Variants in HTR5A observed in about 807,000 individuals in gnomAD.
The protein encoded by HTR5A is 5-HT-5.
A neutral mutation model predicts 24.3 loss-of-function variants in HTR5A; 21 were observed. The ratio of observed to expected loss-of-function variants is 0.86; its 90% confidence interval spans 0.61 to 1.24. HTR5A has a LOEUF of 1.24. Among genes scored for constraint, HTR5A ranks in the 50% most tolerant of loss-of-function variants. The probability of loss-of-function intolerance (pLI) is 0.00; values close to 1 mark genes in which losing one functional copy is unlikely to be tolerated. For synonymous variants in HTR5A, 260 were observed against 213.7 expected (o/e 1.22, Z -1.89); for missense variants, 497 against 489.5 (o/e 1.02, Z -0.15).
In HTR5A at chr7:155,070,918, C is replaced by A. The variant is rs1172773892; in HGVS notation, c.19C>A (p.Leu7Ile). The change falls in exon 1 of 2, where the codon CTA becomes ATA. Residue 7 changes from leucine to isoleucine, a missense_variant. Physicochemically the swap from Leu to Ile is conservative, Grantham distance 5 (BLOSUM62 2). Coordinates refer to ENST00000287907, the MANE Select transcript of HTR5A (RefSeq NM_024012.4). Reference sequence around the variant, plus strand: ...CCCAGAGATGGATTTACCTGTGAACCTAACCTCCTTTTCCCTCTCCACCCC... The same window carrying A: ...CCCAGAGATGGATTTACCTGTGAACATAACCTCCTTTTCCCTCTCCACCCC... MDLPVNLTSFSLSTPSP... is the reference protein window; with the variant it reads MDLPVNITSFSLSTPSP... 3.1e-6 allele frequency: 5 copies of A among 1,603,358 alleles called. No individual in the cohort carries two copies. Among genetic ancestry groups the A allele is most frequent in the Middle Eastern group, 1.7e-4 (1 of 6,058 alleles).
Position 155,070,708 on chromosome 7 carries a change from G to C in HTR5A, c.-192G>C. On this transcript the variant is annotated 5_prime_UTR_variant, in exon 1 of 2. Transcript: ENST00000287907. ...CCTCTGAGGGCTTCAGACCTGCCGC[G>C]CTTGCAGCCACACCATCTCCAACGG... 2 of 636,178 alleles carry C rather than the reference G, an allele frequency of 3.1e-6. No homozygotes were observed. Among genetic ancestry groups the C allele is most frequent in the South Asian group, 2.0e-5 (1 of 50,722 alleles). The allele number at this position is 636,178 out of a possible 1,614,324, so 39.4% of individuals were successfully genotyped here.
chr7:155,074,784 T>C (rs1385294481), intron 1 of HTR5A: 2 of 152,000 alleles, frequency 1.3e-5, no homozygotes, highest in Admixed American at 1.3e-4. Flanking sequence ...GATTCCTGTA[T>C]GATCCTTGCA....
In HTR5A at chr7:155,071,196, G is replaced by C. The variant is rs1585118346; in HGVS notation, c.297G>C (p.Val99=). ...VAALVMPLSL[V]HELSGRRWQL... ...CGCTGGTCATGCCGCTGAGCCTGGT[G>C]CACGAGCTGTCCGGGCGCCGCTGGC... The change falls in exon 1 of 2, where the codon GTG becomes GTC. Residue 99 remains valine, a synonymous_variant. Transcript: ENST00000287907. The C allele has an allele frequency of 3.7e-6, 6 of 1,602,818 alleles. No homozygotes were observed. Among genetic ancestry groups the C allele is most frequent in the Non-Finnish European group, 4.2e-6 (5 of 1,179,882 alleles).
At chr7:155,077,234 G>A (rs1172106356) in intron 1 of HTR5A, 1 of 152,080 alleles carries the variant, frequency 6.6e-6, no homozygotes, top group African/African-American at 2.4e-5. Context: ...ACTTATTGCA[G>A]GTATGTCATA....
intron 1 of HTR5A, among the ~76,000 whole-genome samples, chr7:155,078,496 A>G (rs61180386): frequency 0.029 from 4,444 of 152,096 alleles, 195 homozygotes; most frequent in African/African-American, 0.1. Context: ...TATTTTTTAT[A>G]GAAATAGGGT....
intron 1 of HTR5A, among the ~76,000 whole-genome samples, chr7:155,078,433 C>T (rs1204385423): frequency 2.0e-5 from 3 of 152,276 alleles, no homozygotes; most frequent in Admixed American, 1.3e-4. Flanking sequence ...TTTATTCAGC[C>T]TCCCGAGTAG....
rs779461760 is a variant in HTR5A at position 155,071,347 on chromosome 7, A to C, written c.448A>C (p.Thr150Pro). ...YWSITRHMEYTLRTRKCVSNV... is the reference protein window; with the variant it reads ...YWSITRHMEYPLRTRKCVSNV... Reference sequence around the variant, plus strand: ...GTCCATCACGCGCCACATGGAATACACGCTCCGCACCCGCAAGTGCGTCTC... The same window carrying C: ...GTCCATCACGCGCCACATGGAATACCCGCTCCGCACCCGCAAGTGCGTCTC... Residue 150 changes from threonine to proline, a missense_variant, in exon 1 of 2, where the codon ACG becomes CCG. Coordinates refer to ENST00000287907, the MANE Select transcript of HTR5A (RefSeq NM_024012.4). The C allele has an allele frequency of 6.2e-7, 1 of 1,613,368 alleles. No homozygotes were observed. The highest frequency in any genetic ancestry group is 8.5e-7 in the Non-Finnish European group (1 of 1,180,012).
At chr7:155,072,129 C>T (rs2581841) in intron 1 of HTR5A, among the ~76,000 whole-genome samples, 101,775 of 151,986 alleles carry the variant, frequency 0.67, 34,292 homozygotes, top group East Asian at 0.78. Flanking sequence ...GCATTTCATC[C>T]TAGTCTATTC....
At chr7:155,074,550 C>T (rs1795340369) in intron 1 of HTR5A, 1 of 152,124 alleles carries the variant, frequency 6.6e-6, no homozygotes, top group Non-Finnish European at 1.5e-5. Flanking sequence ...ATGAGTCCAT[C>T]TCTGGTGGCC....
rs1337864484 is a variant in HTR5A at position 155,073,911 on chromosome 7, A to ATATGTGTGTATATATG, written c.741+2274_741+2275insGTGTGTATATATGTAT. Among the ~76,000 whole-genome samples, 122 of 143,012 alleles carry ATATGTGTGTATATATG rather than the reference A, an allele frequency of 8.5e-4. 6 individuals carry two copies. Among genetic ancestry groups the ATATGTGTGTATATATG allele is most frequent in the Non-Finnish European group, 1.4e-3 (94 of 66,540 alleles). The allele number at this position is 143,012 out of a possible 152,430, so 93.8% of individuals were successfully genotyped here. A position where few individuals can be genotyped will look rare whatever the true frequency, so the allele number is the denominator to read the frequency against. On this transcript the variant is annotated intron_variant, in intron 1 of 1. Transcript: ENST00000287907. ...TATGTATATATATATATATATATAT[A>ATATGTGTGTATATATG]TATATGTATATATATATACTCTCTT...
chr7:155,084,843 C>T lies in HTR5A; in HGVS notation c.*356C>T, dbSNP rs1238051498. 2 of 225,558 alleles carry T rather than the reference C, an allele frequency of 8.9e-6. No individual in the cohort carries two copies. Among genetic ancestry groups the T allele is most frequent in the Non-Finnish European group, 1.7e-5 (2 of 116,008 alleles). 14.0% of individuals were successfully genotyped at this position (225,558 alleles called of 1,614,324 possible). On this transcript the variant is annotated 3_prime_UTR_variant, in exon 2 of 2. Coordinates refer to ENST00000287907, the MANE Select transcript of HTR5A (RefSeq NM_024012.4). Reference sequence around the variant, plus strand: ...GAAGGAGGAGGTAAAACAATATGGGCAGGTTGAGATTGAATAGAAAAGAAT... The same window carrying T: ...GAAGGAGGAGGTAAAACAATATGGGTAGGTTGAGATTGAATAGAAAAGAAT...
chr7:155,084,026 T>C, intron 1 of HTR5A, 129 bp from the exon 2 acceptor site: 1 of 706,512 alleles, frequency 1.4e-6, no homozygotes, highest in South Asian at 1.9e-5. Context: ...GGCCTTCAGG[T>C]TCCCACACCT....
rs77547808 is a variant in HTR5A at position 155,081,328 on chromosome 7, T to G, written c.742-2827T>G. On this transcript the variant is annotated intron_variant, in intron 1 of 1. Transcript: ENST00000287907. ...TTATTAGACAGGCAAAGCAGAGTGG[T>G]TGGATGAAATAAAAGAACATACCAG... Among the ~76,000 whole-genome samples, 1,504 of 152,202 alleles carry G rather than the reference T, an allele frequency of 9.9e-3. 28 individuals carry two copies. Among genetic ancestry groups the G allele is most frequent in the African/African-American group, 0.034 (1,431 of 41,512 alleles).
At chr7:155,079,176 C>T (rs192709842) in intron 1 of HTR5A, among the ~76,000 whole-genome samples, 9 of 152,214 alleles carry the variant, frequency 5.9e-5, no homozygotes, top group Non-Finnish European at 8.8e-5. Context: ...TGGTCTCAAA[C>T]TCTTGACCTC....
chr7:155,081,992 A>C (rs7796458), intron 1 of HTR5A, among the ~76,000 whole-genome samples: 4,461 of 152,340 alleles, frequency 0.029, 198 homozygotes, highest in African/African-American at 0.1. Flanking sequence ...AACTCTAAAA[A>C]AATTCTAAGC....
rs536025349 is a variant in HTR5A, at chr7:155,086,671, A to G, written c.*2184A>G. Among the ~76,000 whole-genome samples, 21 of 152,314 alleles carry G rather than the reference A, an allele frequency of 1.4e-4. No individual in the cohort carries two copies. The highest frequency in any genetic ancestry group is 2.0e-4 in the Admixed American group (3 of 15,300). On this transcript the variant is annotated 3_prime_UTR_variant, in exon 2 of 2. Transcript: ENST00000287907. ...GAGCAAGAAACATTCCACATAAGAG[A>G]AGGAAGAAGTGGCAATTAATGAATT...
In HTR5A at chr7:155,071,299, G is replaced by A. The variant is rs781728452; in HGVS notation, c.400G>A (p.Ala134Thr). ...CCTASIWNVT[A>T]IALDRYWSIT... ...CACGGCCAGCATCTGGAACGTGACG[G>A]CCATAGCCCTGGACCGCTACTGGTC... The change falls in exon 1 of 2, where the codon GCC becomes ACC. Residue 134 changes from alanine to threonine, a missense_variant. Ala to Thr is a moderately conservative substitution (Grantham distance 58). Transcript: ENST00000287907. 4.5e-5 allele frequency: 72 copies of A among 1,610,120 alleles called. No homozygotes were observed. Among genetic ancestry groups the A allele is most frequent in the Non-Finnish European group, 5.8e-5 (69 of 1,179,976 alleles).
rs1585125097 is a variant in HTR5A at position 155,086,965 on chromosome 7, G to A, written c.*2478G>A. Among the ~76,000 whole-genome samples, 1 of 152,136 alleles carries A rather than the reference G, an allele frequency of 6.6e-6. No homozygotes were observed. Among genetic ancestry groups the A allele is most frequent in the Non-Finnish European group, 1.5e-5 (1 of 67,986 alleles). ...GAGAAGGCTGGAGGGTTTCCTGCAAGCCCTCTCTGTAGGGTGACTGAGGTG... is the reference window on the plus strand; with the variant it reads ...GAGAAGGCTGGAGGGTTTCCTGCAAACCCTCTCTGTAGGGTGACTGAGGTG... On this transcript the variant is annotated 3_prime_UTR_variant, in exon 2 of 2. Coordinates refer to ENST00000287907, the MANE Select transcript of HTR5A (RefSeq NM_024012.4).
chr7:155,071,402 T>G lies in HTR5A; in HGVS notation c.503T>G (p.Leu168Arg), dbSNP rs1795292671. 3 of 1,614,038 alleles carry G rather than the reference T, an allele frequency of 1.9e-6. No homozygotes were observed. Among genetic ancestry groups the G allele is most frequent in the African/African-American group, 2.7e-5 (2 of 74,944 alleles). Residue 168 changes from leucine to arginine, a missense_variant, in exon 1 of 2, where the codon CTC becomes CGC. By Grantham distance (102) the Leu-to-Arg change is moderately radical. Transcript: ENST00000287907. ...SNVMIALTWA[L>R]SAVISLAPLL... ...GTCATGATCGCGCTCACCTGGGCAC[T>G]CTCCGCTGTCATCTCTCTGGCCCCG...
Sources: gnomAD v4.1 joint callset for allele counts (sites outside exome capture counted in the v4.1 genomes callset) on GRCh38, gnomAD v4.1.1 for gene constraint, MANE v1.5 for transcripts, NCBI Gene and HGNC (gene_info 2026-07-23, HGNC 2026-07-21) for gene names.